The following SSH2 variants were observed in gnomAD, a reference collection of about 807,000 sequenced individuals.
SSH2 encodes protein phosphatase Slingshot homolog 2.
In SSH2, 37 loss-of-function variants were observed where a neutral mutation model predicts 135.2. The ratio of observed to expected loss-of-function variants is 0.27; its 90% CI spans 0.21 to 0.36. SSH2 has a LOEUF of 0.36. SSH2 is among the 10% of genes least tolerant of loss of function. The pLI, the probability that SSH2 is intolerant of heterozygous loss-of-function variation, is 1.00. For synonymous variants in SSH2, 628 were observed against 646.2 expected (o/e 0.97, Z 0.43); for missense variants, 1,408 against 1,765.3 (o/e 0.80, Z 3.63).
At chr17:29,818,334 C>T (rs776955082) in intron 2 of SSH2, among the ~76,000 whole-genome samples, 40 of 151,084 alleles carry the variant, frequency 2.6e-4, no homozygotes, top group African/African-American at 3.9e-4. Context: ...CTGCAAGCTC[C>T]GCCTCCTGGG....
At chr17:29,654,942 C>T (rs547149453) in intron 12 of SSH2, among the ~76,000 whole-genome samples, 20 of 152,292 alleles carry the variant, frequency 1.3e-4, no homozygotes, top group Non-Finnish European at 2.5e-4. Context: ...ATGAACAGCT[C>T]TGTGAACCCT....
intron 1 of SSH2, among the ~76,000 whole-genome samples, chr17:29,854,183 T>G (rs1480806475): frequency 6.6e-6 from 1 of 151,900 alleles, no homozygotes; most frequent in African/African-American, 2.4e-5. Context: ...AAAATCATAT[T>G]CCCTACATAA....
At chr17:29,749,508 A>T (rs904643358) in intron 3 of SSH2, among the ~76,000 whole-genome samples, 1 of 152,172 alleles carries the variant, frequency 6.6e-6, no homozygotes, top group African/African-American at 2.4e-5. Context: ...ATATCTACGC[A>T]TAGAAAAGGC....
At chr17:29,737,220 C>T (rs2040403811) in intron 3 of SSH2, among the ~76,000 whole-genome samples, 1 of 151,010 alleles carries the variant, frequency 6.6e-6, no homozygotes, top group African/African-American at 2.4e-5. Context: ...GTTATATATA[C>T]CTAAAAATCA....
chr17:29,686,471 C>T (rs573836224), intron 5 of SSH2, among the ~76,000 whole-genome samples: 13 of 151,118 alleles, frequency 8.6e-5, no homozygotes, highest in African/African-American at 3.2e-4. Context: ...AAGCAATTTT[C>T]CTGCCTCAGC....
intron 4 of SSH2, among the ~76,000 whole-genome samples, chr17:29,698,430 G>C (rs961139445): frequency 6.6e-6 from 1 of 152,176 alleles, no homozygotes; most frequent in Non-Finnish European, 1.5e-5. Context: ...GGTATAAACA[G>C]TGAAAAGCTA....
chr17:29,810,376 A>T (rs2042420868), intron 2 of SSH2, among the ~76,000 whole-genome samples: 1 of 152,222 alleles, frequency 6.6e-6, no homozygotes, highest in Non-Finnish European at 1.5e-5. Context: ...AATCATCATC[A>T]TCTGCTTTTA....
chr17:29,761,804 T>C (rs1598957939), intron 3 of SSH2, among the ~76,000 whole-genome samples: 1 of 151,852 alleles, frequency 6.6e-6, no homozygotes, highest in Non-Finnish European at 1.5e-5. Context: ...AGAGACTTCC[T>C]ATGTGATTTG....
chr17:29,704,134 G>T (rs373070881), intron 3 of SSH2, among the ~76,000 whole-genome samples: 71 of 152,252 alleles, frequency 4.7e-4, no homozygotes, highest in African/African-American at 1.4e-3. Context: ...TTAGTAGAAG[G>T]TTATCAGTAA....
chr17:29,778,643 AAAAT>A (rs199810148), intron 3 of SSH2, among the ~76,000 whole-genome samples: 5 of 138,508 alleles, frequency 3.6e-5, no homozygotes, highest in Admixed American at 1.5e-4. Flanking sequence ...TCTGTCTAAA[AAAAT>A]AAATAAATAA....
intron 1 of SSH2, among the ~76,000 whole-genome samples, chr17:29,853,555 G>C (rs1486093880): frequency 1.3e-5 from 2 of 151,504 alleles, no homozygotes; most frequent in Non-Finnish European, 1.5e-5. Context: ...TTCTTCTTTT[G>C]CATGTCCCTT....
At chr17:29,855,538 C>A (rs2065647944) in intron 1 of SSH2, among the ~76,000 whole-genome samples, 1 of 151,086 alleles carries the variant, frequency 6.6e-6, no homozygotes, top group African/African-American at 2.4e-5. Context: ...TATCAGACAT[C>A]AAACAATAAA....
At chr17:29,796,136 A>G (rs1256743506) in intron 2 of SSH2, among the ~76,000 whole-genome samples, 3 of 152,204 alleles carry the variant, frequency 2.0e-5, no homozygotes, top group Admixed American at 6.5e-5. Flanking sequence ...TATGAACACC[A>G]TTCCACCTAA....
At position 29,639,472 on chromosome 17, in the gene SSH2, G is replaced by A. The variant is rs910863686; in HGVS notation, c.1428-2670C>T. On this transcript the variant is annotated intron_variant, in intron 14 of 15. Transcript: ENST00000540801. ...GGGCTCTGCCGAGTCATGCTCAGGCGCCTGCACTAATGTGACCCCCTGTTT... is the reference window on the plus strand; with the variant it reads ...GGGCTCTGCCGAGTCATGCTCAGGCACCTGCACTAATGTGACCCCCTGTTT... Among the ~76,000 whole-genome samples, 8 of 151,724 alleles carry A rather than the reference G, an allele frequency of 5.3e-5. No individual in the cohort carries two copies. The East Asian group carries it at 7.8e-4, about 15-fold the overall frequency.
At chr17:29,907,282 G>A (rs1030348775) in intron 1 of SSH2, among the ~76,000 whole-genome samples, 9 of 151,748 alleles carry the variant, frequency 5.9e-5, no homozygotes, top group Non-Finnish European at 1.0e-4. Context: ...AATACTGCAC[G>A]TTCTCTCTTA....
intron 3 of SSH2, among the ~76,000 whole-genome samples, chr17:29,705,335 C>T (rs1009504233): frequency 2.6e-5 from 4 of 152,148 alleles, no homozygotes; most frequent in Admixed American, 6.5e-5. Flanking sequence ...GAGGGAATAA[C>T]TATGATAAGT....
chr17:29,717,767 G>A (rs1006640634), intron 3 of SSH2, among the ~76,000 whole-genome samples: 1 of 152,202 alleles, frequency 6.6e-6, no homozygotes, highest in Non-Finnish European at 1.5e-5. Context: ...AGGCATGGTG[G>A]TGTGCACCTG....
chr17:29,735,888 G>A (rs887550367), intron 3 of SSH2, among the ~76,000 whole-genome samples: 1 of 151,788 alleles, frequency 6.6e-6, no homozygotes, highest in African/African-American at 2.4e-5. Context: ...CTTGAGCTCA[G>A]AAGTTCGAGA....
intron 13 of SSH2, among the ~76,000 whole-genome samples, chr17:29,650,168 G>A (rs2036532348): frequency 6.6e-6 from 1 of 152,110 alleles, no homozygotes; most frequent in Non-Finnish European, 1.5e-5. Flanking sequence ...ACTAATTTAA[G>A]GAAGACATCA....
Sources: gnomAD v4.1 joint callset for allele counts (sites outside exome capture counted in the v4.1 genomes callset) on GRCh38, gnomAD v4.1.1 for gene constraint, MANE v1.5 for transcripts, NCBI Gene and HGNC (gene_info 2026-07-23, HGNC 2026-07-21) for gene names.